Variants in FANCA observed in about 807,000 individuals in gnomAD.
The protein encoded by FANCA is Fanconi anemia group A protein.
Under a neutral mutation model 194.3 loss-of-function variants are expected in FANCA, and 236 were observed. The observed-to-expected ratio is 1.21, with a 90% CI of 1.09 to 1.35. The LOEUF is 1.35. Among genes scored for constraint, FANCA ranks in the 40% most tolerant of loss-of-function variants. FANCA has a pLI of 0.00. For synonymous variants in FANCA, 1,014 were observed against 715.8 expected (o/e 1.42, Z -6.65); for missense variants, 2,628 against 1,813.9 (o/e 1.45, Z -8.15).
In FANCA at chr16:89,783,090, G is replaced by A. The variant is rs2039776549; in HGVS notation, c.1483C>T (p.His495Tyr). ...SPRYLQVHIL[H>Y]PPLVPGKYRS... The stretch of plus-strand genomic sequence containing the variant: ...TACTTGCCGGGAACCAGGGGTGGGT[G>A]GAGAATGTGCACCTGAGGATAGATA... Residue 495 changes from histidine to tyrosine, a missense_variant, in exon 16 of 43, where the codon CAC (histidine) becomes TAC (tyrosine). By Grantham distance (83) the His-to-Tyr change is moderately conservative. Coordinates refer to ENST00000389301, the MANE Select transcript of FANCA (RefSeq NM_000135.4). 2.5e-6 allele frequency: 4 copies of A among 1,613,064 alleles called. No individual in the cohort carries two copies. The highest frequency in any genetic ancestry group is 2.2e-5 in the South Asian group (2 of 91,038).
chr16:89,740,608 C>G (rs2151716078), intron 38 of FANCA, 196 bp downstream of exon 38: 2 of 598,634 alleles, frequency 3.3e-6, no homozygotes, highest in South Asian at 4.1e-5. Context: ...TGCACTCCAG[C>G]CTGGGTGACA....
At chr16:89,764,700 G>A (rs959234029) in intron 28 of FANCA, 190 bp downstream of exon 28, 55 of 721,776 alleles carry the variant, frequency 7.6e-5, no homozygotes, top group South Asian at 7.6e-4. Context: ...TGCCTCTGAG[G>A]AGACAGTCGG....
chr16:89,761,981 T>C lies in FANCA; in HGVS notation c.2820A>G (p.Gln940=), dbSNP rs776686639. 16 of 1,613,956 alleles carry C rather than the reference T, an allele frequency of 9.9e-6. No individual in the cohort carries two copies. In the African/African-American group the frequency reaches 1.9e-4, roughly 19 times the overall value. ...QDWLHLELEI[Q]PEADALSDTE... is the part of the protein sequence containing the mutation. ...TATCTGAAAGAGCATCAGCTTCAGGTTGAATTTCCAGCTCCAGGTGTAACC... is the reference window on the plus strand; with the variant it reads ...TATCTGAAAGAGCATCAGCTTCAGGCTGAATTTCCAGCTCCAGGTGTAACC... Residue 940 remains glutamine (Q), a synonymous_variant, in exon 29 of 43, where the codon CAA becomes CAG. Transcript: ENST00000389301.
At chr16:89,774,813 G>T (rs1009258328) in intron 21 of FANCA, among the ~76,000 whole-genome samples, 1 of 150,662 alleles carries the variant, frequency 6.6e-6, no homozygotes, top group Non-Finnish European at 1.5e-5. Context: ...CACACAAGGG[G>T]CTGGGTACGG....
intron 26 of FANCA, 32 bp downstream of exon 26, chr16:89,769,803 GGA>G: frequency 6.2e-7 from 1 of 1,611,006 alleles, no homozygotes; most frequent in African/African-American, 1.3e-5. Context: ...TCGAGAGAGA[GGA>G]GAGAAGACGC....
At chr16:89,763,982 C>T (rs1161971719) in intron 28 of FANCA, among the ~76,000 whole-genome samples, 7 of 151,856 alleles carry the variant, frequency 4.6e-5, no homozygotes, top group Non-Finnish European at 1.0e-4. Context: ...TGGCTCACGC[C>T]TGTAATTCCA....
rs45449594 is a variant in FANCA, at chr16:89,779,542, G to A, written c.1715+327C>T. On this transcript the variant is annotated intron_variant, in intron 18 of 42. Transcript: ENST00000389301. ...CAGTTCCTGTTGGCTGCTTCAGCAC[G>A]GGAGGGGCATCACCTGCTTTTACAG... Among the ~76,000 whole-genome samples, 41 of 152,194 alleles carry A rather than the reference G, an allele frequency of 2.7e-4. 1 individual carries two copies. Among genetic ancestry groups the A allele is most frequent in the Middle Eastern group, 6.9e-3 (2 of 290 alleles).
chr16:89,791,019 GTGTGTTTTTTT>G (rs2040053926), intron 14 of FANCA: 128 of 252,138 alleles, frequency 5.1e-4, no homozygotes, highest in South Asian at 3.1e-3. Flanking sequence ...GTGTGTGTGT[GTGTGTTTTTTT>G]TTTTTTTTTT....
At chr16:89,751,505 G>T (rs1430795769) in intron 31 of FANCA, among the ~76,000 whole-genome samples, 1 of 152,110 alleles carries the variant, frequency 6.6e-6, no homozygotes, top group Non-Finnish European at 1.5e-5. Context: ...CAATTAAGAG[G>T]AAAAAGCAGA....
intron 20 of FANCA, among the ~76,000 whole-genome samples, 158 bp downstream of exon 20, chr16:89,778,643 A>AG (rs1000257954): frequency 4.7e-5 from 7 of 149,810 alleles, no homozygotes; most frequent in Non-Finnish European, 7.4e-5. Context: ...AAAAAAAAAA[A>AG]AAAAAAAAAA....
Position 89,773,350 on chromosome 16 carries a change from A to G in FANCA, c.1935T>C (p.Ser645=), listed in dbSNP as rs2143367365. Residue 645 remains serine (S), a synonymous_variant, in exon 22 of 43, where the codon TCT becomes TCC. Coordinates refer to ENST00000389301, the MANE Select transcript of FANCA (RefSeq NM_000135.4). ...TGAGCTGTCCCAGGGGCTCCTCAGC[A>G]GAGTTGGGTTCTGCCCTCACTCCCA... ...AALGVRAEPN[S]AEEPLGQLTA... 1 of 1,551,610 alleles carries G rather than the reference A, an allele frequency of 6.4e-7. No individual in the cohort carries two copies. Among genetic ancestry groups the G allele is most frequent in the East Asian group, 2.4e-5 (1 of 40,926 alleles).
At position 89,740,803 on chromosome 16, in the gene FANCA, C is replaced by A. The variant is rs1432988639; in HGVS notation, c.3828+1G>T. ...ACCTTGGCTGGTAAGGTCTGACTTACATTTGAGGTCAGATGTGACGACAGC... is the reference window on the plus strand; with the variant it reads ...ACCTTGGCTGGTAAGGTCTGACTTAAATTTGAGGTCAGATGTGACGACAGC... On this transcript the variant is annotated splice_donor_variant, in intron 38 of 42. Transcript: ENST00000389301. LOFTEE classifies it high-confidence loss of function. The A allele has an allele frequency of 3.1e-6, 5 of 1,612,968 alleles. No individual in the cohort carries two copies. The highest frequency in any genetic ancestry group is 2.7e-5 in the African/African-American group (2 of 74,858).
intron 14 of FANCA, among the ~76,000 whole-genome samples, chr16:89,785,588 G>A (rs1395733391): frequency 1.3e-5 from 2 of 152,120 alleles, no homozygotes; most frequent in African/African-American, 4.8e-5. Flanking sequence ...CAAAGTCCTG[G>A]GGGCTGCAGT....
intron 5 of FANCA, 33 bp downstream of exon 5, chr16:89,810,666 CCTGGAACA>C (rs1567653380): frequency 7.7e-7 from 1 of 1,293,706 alleles, no homozygotes; most frequent in Non-Finnish European, 1.1e-6. Flanking sequence ...CAGAACATTG[CCTGGAACA>C]CTGGAGAGTC....
In FANCA at chr16:89,779,889, T is replaced by C; in HGVS notation, c.1695A>G (p.Pro565=). ...CCTACCTGGCCTCCATGACGGTGACTGGGATGTTCCCCGTATGCTCAAACA... is the reference window on the plus strand; with the variant it reads ...CCTACCTGGCCTCCATGACGGTGACCGGGATGTTCCCCGTATGCTCAAACA... ...IMVFEHTGNI[P]VTVMEASIFR... is the part of the protein sequence containing the mutation. Residue 565 remains proline, a synonymous_variant, in exon 18 of 43, where the codon CCA becomes CCG. Transcript: ENST00000389301. The C allele has an allele frequency of 6.2e-7, 1 of 1,613,960 alleles. No homozygotes were observed. The highest frequency in any genetic ancestry group is 8.5e-7 in the Non-Finnish European group (1 of 1,180,026).
chr16:89,801,343 C>CAAAAAAA (rs60802306), intron 8 of FANCA, among the ~76,000 whole-genome samples: 1 of 100,334 alleles, frequency 1.0e-5, no homozygotes, highest in African/African-American at 3.8e-5. Flanking sequence ...GACTCTGTCT[C>CAAAAAAA]AAAAAAAAAA....
intron 3 of FANCA, among the ~76,000 whole-genome samples, chr16:89,812,312 T>C (rs1362031564): frequency 1.3e-5 from 2 of 149,326 alleles, no homozygotes; most frequent in African/African-American, 5.0e-5. Context: ...CACTGCAGTC[T>C]GGGCGACAGA....
rs775853544 is a variant in FANCA, at chr16:89,782,863, G to C, written c.1622C>G (p.Thr541Ser). The change falls in exon 17 of 43, where the codon ACT becomes AGT. Residue 541 changes from threonine (T) to serine (S), a missense_variant. By Grantham distance (58) the Thr-to-Ser change is moderately conservative (BLOSUM62 1). Transcript: ENST00000389301. ...GCAGGGCTCAAGCAACATTACCTCA[G>C]TAATGTCCCCAGCTGATGACAAATC... ...YEDLSSAGDITEPHSQALQDV... is the reference protein window; with the variant it reads ...YEDLSSAGDISEPHSQALQDV... The C allele has an allele frequency of 6.2e-7, 1 of 1,613,842 alleles. No individual in the cohort carries two copies. The highest frequency in any genetic ancestry group is 8.5e-7 in the Non-Finnish European group (1 of 1,179,734).
At chr16:89,791,687 C>T in intron 13 of FANCA, 151 bp from the exon 14 acceptor site, 1 of 1,162,568 alleles carries the variant, frequency 8.6e-7, no homozygotes, top group Non-Finnish European at 1.2e-6. Context: ...TACAGCATGT[C>T]AAGTGCAAAC....
Sources: allele counts gnomAD v4.1 joint callset (sites outside exome capture counted in the v4.1 genomes callset), GRCh38; gene constraint gnomAD v4.1.1; transcripts MANE v1.5; gene names NCBI Gene and HGNC (gene_info 2026-07-23, HGNC 2026-07-21).